Variants in IGSF10 observed in about 807,000 individuals in gnomAD.
IGSF10 encodes the protein calvaria mechanical force protein 608.
IGSF10 carries 126 observed loss-of-function variants against 128.2 expected under a neutral mutation model. The observed-to-expected ratio is 0.98, with a 90% CI of 0.85 to 1.14. IGSF10 has a LOEUF of 1.14. IGSF10 is among the 50% of genes most tolerant of loss of function. IGSF10 has a pLI of 0.00. For synonymous variants in IGSF10, 1,185 were observed against 1,146.2 expected, an observed-to-expected ratio of 1.03 and a Z score of -0.68; for missense variants, 3,295 against 3,149.8, an observed-to-expected ratio of 1.05 and a Z score of -1.10.
At chr3:151,562,158 G>C in the IGSF10 span, among the ~76,000 whole-genome samples, 1 of 152,106 alleles carries the variant, frequency 6.6e-6, no homozygotes, top group Non-Finnish European at 1.5e-5. Flanking sequence ...CAGTAAAAAA[G>C]CCAGCCCAAA....
At chr3:151,458,799 C>G in intron 2 of IGSF10, 89 bp from the exon 3 acceptor site, 1 of 1,117,420 alleles carries the variant, frequency 8.9e-7, no homozygotes. Flanking sequence ...TCTGGGAGAC[C>G]TTCTTTAAGG....
chr3:151,555,136 A>T, the IGSF10 span, among the ~76,000 whole-genome samples: 1 of 152,174 alleles, frequency 6.6e-6, no homozygotes, highest in Admixed American at 6.6e-5. Context: ...CAAACTGGAA[A>T]AATTGTGTCC....
chr3:151,609,550 G>A, the IGSF10 span, among the ~76,000 whole-genome samples: 1 of 151,898 alleles, frequency 6.6e-6, no homozygotes, highest in African/African-American at 2.4e-5. Flanking sequence ...GCACTCATAT[G>A]CTCAGCACAG....
the IGSF10 span, among the ~76,000 whole-genome samples, chr3:151,481,129 C>A: frequency 6.6e-6 from 1 of 152,172 alleles, no homozygotes; most frequent in East Asian, 1.9e-4. Context: ...AGAGGCTCTG[C>A]TGACTCACGT....
chr3:151,543,282 C>A, the IGSF10 span, among the ~76,000 whole-genome samples: 2 of 152,016 alleles, frequency 1.3e-5, no homozygotes, highest in Admixed American at 6.6e-5. Flanking sequence ...CTCAGGGGGC[C>A]ATAGGCAGGT....
At position 151,445,612 on chromosome 3, in the gene IGSF10, T is replaced by A; in HGVS notation, c.4369A>T (p.Ile1457Phe). 6.2e-7 allele frequency: 1 copy of A among 1,614,230 alleles called. No homozygotes were observed. The highest frequency in any genetic ancestry group is 1.1e-5 in the South Asian group (1 of 91,092). ...AATGGTGGTATGGTTGAGTGTCTAA[T>A]GATTGCTTTCCTAGTTGTGGTACTC... ...HQSTTTRKAI[I>F]RHSTIPPFLS... The change falls in exon 6 of 8, where the codon ATT (isoleucine) becomes TTT (phenylalanine). Residue 1457 changes from isoleucine to phenylalanine, a missense_variant. Transcript: ENST00000282466.
chr3:151,613,012 G>T, the IGSF10 span, among the ~76,000 whole-genome samples: 1 of 152,112 alleles, frequency 6.6e-6, no homozygotes, highest in Non-Finnish European at 1.5e-5. Flanking sequence ...CAAAATCAAT[G>T]TACAAAAATC....
chr3:151,443,697 T>C lies in IGSF10; in HGVS notation c.5250A>G (p.Arg1750=). Reference sequence around the variant, plus strand: ...AATGAACTGTGATCTCTTTGGTACGTCTCTCCAGGATCCTGGGAGGATAGG... The same window carrying C: ...AATGAACTGTGATCTCTTTGGTACGCCTCTCCAGGATCCTGGGAGGATAGG... ...VVSYPPRILE[R]RTKEITVHSG... Residue 1750 remains arginine, a synonymous_variant, in exon 7 of 8, where the codon AGA becomes AGG. Transcript: ENST00000282466. 1.9e-6 allele frequency: 3 copies of C among 1,614,092 alleles called. No individual in the cohort carries two copies. The highest frequency in any genetic ancestry group is 1.7e-6 in the Non-Finnish European group (2 of 1,180,018).
the IGSF10 span, among the ~76,000 whole-genome samples, chr3:151,501,867 C>T: frequency 6.6e-6 from 1 of 151,988 alleles, no homozygotes; most frequent in Admixed American, 6.6e-5. Flanking sequence ...TGAAATAGCT[C>T]TTTTGTTCTT....
chr3:151,458,472 G>C, intron 3 of IGSF10, 44 bp downstream of exon 3: 4 of 1,447,840 alleles, frequency 2.8e-6, no homozygotes, highest in Non-Finnish European at 3.8e-6. Flanking sequence ...TCACTGCTGC[G>C]ACTGATCCCT....
chr3:151,533,019 T>C, the IGSF10 span, among the ~76,000 whole-genome samples: 1 of 144,662 alleles, frequency 6.9e-6, no homozygotes, highest in Non-Finnish European at 1.5e-5. Flanking sequence ...TATACACCAA[T>C]AGCAGACAAA....
At chr3:151,610,762 G>A in the IGSF10 span, among the ~76,000 whole-genome samples, 1 of 152,146 alleles carries the variant, frequency 6.6e-6, no homozygotes, top group Non-Finnish European at 1.5e-5. Context: ...TCTGCTGAGG[G>A]TCAGTCTATG....
intron 7 of IGSF10, 126 bp from the exon 8 acceptor site, chr3:151,438,723 AG>A: frequency 1.5e-6 from 1 of 663,020 alleles, no homozygotes; most frequent in East Asian, 2.7e-5. Flanking sequence ...TGTATCTTTG[AG>A]GTGTAGAACA....
rs1295939616 is a variant in IGSF10, at chr3:151,453,406, A to G, written c.693T>C (p.Ser231=). The part of the protein sequence containing the change: ...WTCDCHLKWL[S]DWIQEKPDVI... ...TACCTGGCTTCTCCTGTATCCAGTC[A>G]GACAACCACTTTAAATGGCAATCAC... The change falls in exon 5 of 8, where the codon TCT becomes TCC. Residue 231 remains serine (S), a synonymous_variant. Transcript: ENST00000282466. The G allele has an allele frequency of 6.2e-7, 1 of 1,601,462 alleles. No homozygotes were observed. Among genetic ancestry groups the G allele is most frequent in the South Asian group, 1.1e-5 (1 of 88,084 alleles).
At chr3:151,516,216 A>T in the IGSF10 span, among the ~76,000 whole-genome samples, 1 of 152,026 alleles carries the variant, frequency 6.6e-6, no homozygotes, top group East Asian at 1.9e-4. Context: ...ACCCATTGGA[A>T]ACCTTAAGGT....
At chr3:151,575,212 A>T in the IGSF10 span, among the ~76,000 whole-genome samples, 1,950 of 146,218 alleles carry the variant, frequency 0.013, 48 homozygotes, top group African/African-American at 0.05. Context: ...CCACTTGAGG[A>T]GGCAGTCTGT....
chr3:151,592,776 G>A, the IGSF10 span, among the ~76,000 whole-genome samples: 1 of 152,098 alleles, frequency 6.6e-6, no homozygotes, highest in Non-Finnish European at 1.5e-5. Flanking sequence ...CACATTTTAA[G>A]TGCTCTCAGT....
the IGSF10 span, among the ~76,000 whole-genome samples, chr3:151,489,058 T>G: frequency 6.6e-6 from 1 of 152,036 alleles, no homozygotes; most frequent in South Asian, 2.1e-4. Flanking sequence ...TGGGAGAAAA[T>G]TTTTGCAATC....
intron 5 of IGSF10, among the ~76,000 whole-genome samples, chr3:151,451,728 C>T (rs1210682024): frequency 6.6e-6 from 1 of 152,090 alleles, no homozygotes; most frequent in Non-Finnish European, 1.5e-5. Flanking sequence ...GGTGCTATGA[C>T]ATATATTAAA....
Sources: gnomAD v4.1 joint callset for allele counts (sites outside exome capture counted in the v4.1 genomes callset) on GRCh38, gnomAD v4.1.1 for gene constraint, MANE v1.5 for transcripts, NCBI Gene and HGNC (gene_info 2026-07-23, HGNC 2026-07-21) for gene names.